The following DSC1 variants were observed in gnomAD, a reference collection of about 807,000 sequenced individuals.
DSC1 encodes the protein desmocollin-1.
Under a neutral mutation model 98.8 loss-of-function variants are expected in DSC1, and 79 were observed. The ratio of observed to expected loss-of-function variants is 0.80; its 90% confidence interval spans 0.67 to 0.96. The LOEUF (loss-of-function observed/expected upper bound fraction) is 0.96. Ranked by LOEUF, DSC1 falls within the 50% of genes least tolerant of loss-of-function variation. The pLI is 0.00. For synonymous variants in DSC1, 405 were observed against 372.1 expected (o/e 1.09, Z -1.02); for missense variants, 1,115 against 1,075.9 (o/e 1.04, Z -0.51).
At chr18:31,149,070 A>G (rs1988907104) in intron 5 of DSC1, among the ~76,000 whole-genome samples, 1 of 152,182 alleles carries the variant, frequency 6.6e-6, no homozygotes, top group Non-Finnish European at 1.5e-5. Flanking sequence ...TTTTTTACCT[A>G]TATTTTCTCA....
chr18:31,145,556 T>G (rs889804194), intron 7 of DSC1, 55 bp downstream of exon 7: 14 of 1,592,468 alleles, frequency 8.8e-6, no homozygotes, highest in Non-Finnish European at 1.1e-5. Flanking sequence ...TCTCGGGAGT[T>G]CATTCTCAGT....
rs1175701447 is a variant in DSC1, at chr18:31,134,586, A to G, written c.1862T>C (p.Ile621Thr). The G allele has an allele frequency of 3.7e-6, 6 of 1,609,352 alleles. No individual in the cohort carries two copies. Among genetic ancestry groups the G allele is most frequent in the African/African-American group, 2.7e-5 (2 of 74,786 alleles). The change falls in exon 12 of 16, where the codon ATA (isoleucine) becomes ACA (threonine). Residue 621 changes from isoleucine to threonine, a missense_variant. Physicochemically the swap from Ile to Thr is moderately conservative, Grantham distance 89. Transcript: ENST00000257198. ...LDNSASKNWNIEEKDGKTAIL... is the reference protein window; with the variant it reads ...LDNSASKNWNTEEKDGKTAIL... ...TGATTACATACCATCCTTTTCTTCT[A>G]TGTTCCAGTTTTTACTGGCAGAATT...
chr18:31,130,364 T>G lies in DSC1; in HGVS notation c.*150A>C, dbSNP rs896657923. The G allele has an allele frequency of 3.9e-6, 3 of 764,654 alleles. No homozygotes were observed. The highest frequency in any genetic ancestry group is 6.3e-6 in the Non-Finnish European group (3 of 478,310). The allele number at this position is 764,654 out of a possible 1,614,324, so 47.4% of individuals were successfully genotyped here. ...TGGAAGTTATACCAGACAAGGAGAA[T>G]GTAGGGGAATCTCATATTTATAGTA... On this transcript the variant is annotated 3_prime_UTR_variant, in exon 16 of 16. Coordinates refer to ENST00000257198, the MANE Select transcript of DSC1 (RefSeq NM_024421.2).
chr18:31,156,181 AAAG>A lies in DSC1; in HGVS notation c.352-22_352-20del, dbSNP rs1200086660. On this transcript the variant is annotated intron_variant, in intron 3 of 15. Coordinates refer to ENST00000257198, the MANE Select transcript of DSC1 (RefSeq NM_024421.2). ...TAGGAGACTACATTTGACAAGAAAC[AAAG>A]AAATGTAGCATTGCTTATCATTTTT... 1.3e-6 allele frequency: 2 copies of A among 1,596,488 alleles called. No homozygotes were observed. Among genetic ancestry groups the A allele is most frequent in the Non-Finnish European group, 1.7e-6 (2 of 1,175,608 alleles).
At chr18:31,154,022 A>T (rs890700267) in intron 5 of DSC1, among the ~76,000 whole-genome samples, 4 of 152,194 alleles carry the variant, frequency 2.6e-5, no homozygotes, top group Non-Finnish European at 5.9e-5. Context: ...TAAATGCTTA[A>T]TCAGTTTTAT....
chr18:31,138,357 A>G (rs1988656033), intron 11 of DSC1, among the ~76,000 whole-genome samples: 1 of 152,116 alleles, frequency 6.6e-6, no homozygotes, highest in Non-Finnish European at 1.5e-5. Flanking sequence ...CACTTCTGAT[A>G]ATATTCATAC....
chr18:31,132,080 A>G (rs1988505397), intron 14 of DSC1: 5 of 544,898 alleles, frequency 9.2e-6, no homozygotes, highest in Non-Finnish European at 1.6e-5. Context: ...GTCATTGTAG[A>G]TGTAATTAGC....
chr18:31,154,831 G>A lies in DSC1; in HGVS notation c.570C>T (p.Asp190=), dbSNP rs1487476955. 2 of 1,613,826 alleles carry A rather than the reference G, an allele frequency of 1.2e-6. No homozygotes were observed. The highest frequency in any genetic ancestry group is 2.7e-5 in the African/African-American group (2 of 74,906). ...EPFNLFYIEK[D]TGDIFCTRSI... is the part of the protein sequence containing the mutation. ...TCCTTGTACAAAAGATATCCCCAGTGTCTTTCTCTATGTAAAACAAATTGA... is the reference window on the plus strand; with the variant it reads ...TCCTTGTACAAAAGATATCCCCAGTATCTTTCTCTATGTAAAACAAATTGA... Residue 190 remains aspartate, a synonymous_variant, in exon 5 of 16, where the codon GAC becomes GAT. Transcript: ENST00000257198.
In DSC1 at chr18:31,148,500, G is replaced by T; in HGVS notation, c.770C>A (p.Ser257Tyr). Residue 257 changes from serine to tyrosine, a missense_variant and splice_region_variant, in exon 6 of 16, where the codon TCC becomes TAC. Coordinates refer to ENST00000257198, the MANE Select transcript of DSC1 (RefSeq NM_024421.2). ...TIFTVPENCR[S>Y]GTSVGKVTAT... The stretch of plus-strand genomic sequence containing the variant: ...GCTACAATAAAATGTGAACTTACCG[G>T]ATCGGCAATTTTCAGGCACAGTAAA... The T allele has an allele frequency of 6.3e-7, 1 of 1,593,928 alleles. No individual in the cohort carries two copies. Among genetic ancestry groups the T allele is most frequent in the East Asian group, 2.2e-5 (1 of 44,608 alleles).
chr18:31,158,998 C>G (rs560422676), intron 2 of DSC1, among the ~76,000 whole-genome samples: 33 of 146,610 alleles, frequency 2.3e-4, no homozygotes, highest in Non-Finnish European at 4.6e-4. Flanking sequence ...AAACAAGTAG[C>G]CTGTCTTTTA....
At position 31,157,273 on chromosome 18, in the gene DSC1, G is replaced by C. The variant is rs576909275; in HGVS notation, c.351+98C>G. 96 of 1,256,208 alleles carry C rather than the reference G, an allele frequency of 7.6e-5. No homozygotes were observed. The African/African-American group carries it at 1.3e-3, about 17-fold the overall frequency. 77.8% of individuals were successfully genotyped at this position (1,256,208 alleles called of 1,614,324 possible). On this transcript the variant is annotated intron_variant, in intron 3 of 15. Coordinates refer to ENST00000257198, the MANE Select transcript of DSC1 (RefSeq NM_024421.2). ...GAAAAGACAAATTTGTCATTCAATA[G>C]CATAGATTTTAACATGAAACACGTT...
intron 5 of DSC1, among the ~76,000 whole-genome samples, chr18:31,150,357 CCA>C (rs1568002833): frequency 0.065 from 102 of 1,572 alleles, 8 homozygotes; most frequent in East Asian, 0.29. Flanking sequence ...ACCACCACCA[CCA>C]TCATCACCAC....
intron 9 of DSC1, 99 bp from the exon 10 acceptor site, chr18:31,140,400 A>C (rs1229462134): frequency 1.2e-5 from 16 of 1,299,568 alleles, no homozygotes; most frequent in Non-Finnish European, 1.7e-5. Context: ...TTTACATTTA[A>C]AATGTAACCT....
chr18:31,149,780 A>G (rs1363895021), intron 5 of DSC1, among the ~76,000 whole-genome samples: 2 of 152,162 alleles, frequency 1.3e-5, no homozygotes, highest in Non-Finnish European at 2.9e-5. Flanking sequence ...CTAACCTGGA[A>G]AGGAAAGAAT....
Position 31,132,578 on chromosome 18 carries a change from TC to T in DSC1, c.2227del (p.Glu743LysfsTer3). The T allele has an allele frequency of 6.2e-7, 1 of 1,613,326 alleles. No individual in the cohort carries two copies. The highest frequency in any genetic ancestry group is 1.7e-5 in the Admixed American group (1 of 59,980). ...LIVSNTEGPG[E>X]EVTEANIRLP... Reference sequence around the variant, plus strand: ...TGAAATCTGATTTACCGTTACTTCTTCTCCAGGTCCTTCAGTATTTGATACA... The same window carrying T: ...TGAAATCTGATTTACCGTTACTTCTTTCCAGGTCCTTCAGTATTTGATACA... On this transcript the variant is annotated frameshift_variant, in exon 14 of 16. Transcript: ENST00000257198. LOFTEE classifies it high-confidence loss of function.
At chr18:31,152,172 C>CAA (rs201748337) in intron 5 of DSC1, among the ~76,000 whole-genome samples, 2 of 149,494 alleles carry the variant, frequency 1.3e-5, no homozygotes, top group African/African-American at 4.9e-5. Context: ...AAAAAAACAA[C>CAA]AAAAAAAAAC....
At chr18:31,145,000 C>A (rs1471957316) in intron 7 of DSC1, among the ~76,000 whole-genome samples, 1 of 140,506 alleles carries the variant, frequency 7.1e-6, no homozygotes, top group Non-Finnish European at 1.5e-5. Context: ...GGTGCAGTGG[C>A]GCGATCTCGG....
intron 13 of DSC1, among the ~76,000 whole-genome samples, chr18:31,132,966 A>T (rs1988528596): frequency 6.6e-6 from 1 of 152,176 alleles, no homozygotes; most frequent in Non-Finnish European, 1.5e-5. Flanking sequence ...GATATTTAAG[A>T]TAGCATCATT....
intron 3 of DSC1, 32 bp downstream of exon 3, chr18:31,157,339 T>C: frequency 6.2e-7 from 1 of 1,606,650 alleles, no homozygotes; most frequent in Non-Finnish European, 8.5e-7. Context: ...AGCATATTAC[T>C]GTGCTAGGCT....
Sources: allele counts gnomAD v4.1 joint callset (sites outside exome capture counted in the v4.1 genomes callset), GRCh38; gene constraint gnomAD v4.1.1; transcripts MANE v1.5; gene names NCBI Gene and HGNC (gene_info 2026-07-23, HGNC 2026-07-21).